SMCO4: variants seen among roughly 807,000 people sequenced by gnomAD.
SMCO4 encodes single-pass membrane and coiled-coil domain-containing protein 4.
SMCO4 carries 4 observed loss-of-function variants against 3.6 expected under a neutral mutation model. That is an observed-to-expected ratio of 1.11 (90% CI 0.54 to 2.53). SMCO4 has a LOEUF of 2.53. Ranked by LOEUF, SMCO4 falls within the 30% of genes most tolerant of loss-of-function variation. The pLI is 0.02. For missense variants in SMCO4, 70 were observed against 80.8 expected (o/e 0.87, Z 0.51); for synonymous variants, 36 against 35.3 (o/e 1.02, Z -0.07).
rs370262033 is a variant in SMCO4 at position 93,478,586 on chromosome 11, G to A, written c.*424C>T. 6.2e-5 allele frequency: 10 copies of A among 160,804 alleles called. No individual in the cohort carries two copies. In the East Asian group the frequency reaches 1.1e-3, roughly 17 times the overall value. The allele number at this position is 160,804 out of a possible 1,614,324, so 10.0% of individuals were successfully genotyped here. On this transcript the variant is annotated 3_prime_UTR_variant, in exon 3 of 3. Transcript: ENST00000298966. The stretch of plus-strand genomic sequence containing the variant: ...CAGTCCCTTTGGAGATTGTGAACAC[G>A]TGTTGGAAAGAAGCATGATCCAAAC...
intron 2 of SMCO4, among the ~76,000 whole-genome samples, chr11:93,488,526 A>G (rs1948676562): frequency 6.6e-6 from 1 of 152,170 alleles, no homozygotes. Context: ...GAGGCATACA[A>G]TTTACCGAGA....
chr11:93,497,971 A>C (rs10466331), intron 2 of SMCO4, among the ~76,000 whole-genome samples: 32,541 of 152,090 alleles, frequency 0.21, 3,717 homozygotes, highest in East Asian at 0.4. Context: ...TTTTGTATAA[A>C]AGTTACATTG....
intron 1 of SMCO4, among the ~76,000 whole-genome samples, chr11:93,514,629 A>C (rs967281506): frequency 1.3e-5 from 2 of 152,064 alleles, no homozygotes; most frequent in African/African-American, 4.8e-5. Context: ...ATGGTGTTAC[A>C]TAACTTCTTA....
At chr11:93,549,863 G>A in the SMCO4 span, among the ~76,000 whole-genome samples, 89 of 152,258 alleles carry the variant, frequency 5.8e-4, no homozygotes, top group African/African-American at 2.1e-3. Flanking sequence ...TAAGTATCAA[G>A]TGTTATAATA....
At position 93,543,344 on chromosome 11, in the gene SMCO4, T is replaced by C. The variant is rs1949289774; in HGVS notation, c.-222A>G. ...ATACGTGGCAGTGGCCGCCGCCGCTTGCGCTCCCCGCCTCGCCTCTCCTCT... is the reference window on the plus strand; with the variant it reads ...ATACGTGGCAGTGGCCGCCGCCGCTCGCGCTCCCCGCCTCGCCTCTCCTCT... On this transcript the variant is annotated 5_prime_UTR_variant, in exon 1 of 3. Transcript: ENST00000298966. The C allele has an allele frequency of 6.6e-6, 1 of 150,918 alleles. No homozygotes were observed. Among genetic ancestry groups the C allele is most frequent in the South Asian group, 1.8e-4 (1 of 5,634 alleles). The allele number at this position is 150,918 out of a possible 1,614,324, so 9.3% of individuals were successfully genotyped here.
At chr11:93,497,324 G>T (rs902241899) in intron 2 of SMCO4, among the ~76,000 whole-genome samples, 1 of 152,220 alleles carries the variant, frequency 6.6e-6, no homozygotes, top group African/African-American at 2.4e-5. Flanking sequence ...AACATCATCA[G>T]ATACAGCTGA....
intron 1 of SMCO4, among the ~76,000 whole-genome samples, chr11:93,541,953 G>C (rs1024334569): frequency 2.0e-5 from 3 of 152,110 alleles, no homozygotes; most frequent in Non-Finnish European, 4.4e-5. Context: ...GAAAACAGAA[G>C]TCCAGAGAGA....
intron 1 of SMCO4, among the ~76,000 whole-genome samples, chr11:93,534,828 G>A (rs762988631): frequency 5.9e-5 from 9 of 152,122 alleles, no homozygotes; most frequent in Non-Finnish European, 1.2e-4. Flanking sequence ...GCCACCAGAC[G>A]CCTTCTCTGC....
At chr11:93,481,711 C>A (rs571160783) in intron 2 of SMCO4, among the ~76,000 whole-genome samples, 1 of 152,342 alleles carries the variant, frequency 6.6e-6, no homozygotes, top group South Asian at 2.1e-4. Context: ...CAAATGGCAG[C>A]CTATTCTCTC....
At chr11:93,492,181 T>C (rs1948725228) in intron 2 of SMCO4, among the ~76,000 whole-genome samples, 1 of 152,188 alleles carries the variant, frequency 6.6e-6, no homozygotes, top group Admixed American at 6.5e-5. Flanking sequence ...CGTTCATTTA[T>C]CCAGCTAACA....
At chr11:93,514,681 A>G (rs1291099830) in intron 1 of SMCO4, among the ~76,000 whole-genome samples, 3 of 152,074 alleles carry the variant, frequency 2.0e-5, no homozygotes, top group African/African-American at 4.8e-5. Context: ...GGCACTCAAT[A>G]GTATATTCAA....
In SMCO4 at chr11:93,487,603, G is replaced by A. The variant is rs150515772; in HGVS notation, c.-80-8334C>T. ...CAGAAACACAAAAGAATCTTTGAGT[G>A]GGTTGCCGAATGACAGAGACATGAA... On this transcript the variant is annotated intron_variant, in intron 2 of 2. Coordinates refer to ENST00000298966, the MANE Select transcript of SMCO4 (RefSeq NM_020179.3). 4.8e-3 allele frequency among the ~76,000 whole-genome samples: 734 copies of A among 152,320 alleles called. 4 individuals carry two copies. The highest frequency in any genetic ancestry group is 0.01 in the Middle Eastern group (3 of 294).
At chr11:93,496,315 T>G (rs1948771815) in intron 2 of SMCO4, among the ~76,000 whole-genome samples, 1 of 151,980 alleles carries the variant, frequency 6.6e-6, no homozygotes, top group African/African-American at 2.4e-5. Context: ...TCATTAGGAT[T>G]TGGTGATTTG....
chr11:93,535,800 A>C (rs1298621658), intron 1 of SMCO4: 1 of 1,613,802 alleles, frequency 6.2e-7, no homozygotes, highest in Non-Finnish European at 8.5e-7. Context: ...CAGCAGCAGC[A>C]GCAGCAACAG....
Position 93,479,066 on chromosome 11 carries a change from C to A in SMCO4, c.124G>T (p.Val42Leu). 7 of 1,613,808 alleles carry A rather than the reference C, an allele frequency of 4.3e-6. No homozygotes were observed. Among genetic ancestry groups the A allele is most frequent in the African/African-American group, 1.3e-5 (1 of 75,056 alleles). Residue 42 changes from valine (V) to leucine (L), a missense_variant, in exon 3 of 3, where the codon GTG becomes TTG. Coordinates refer to ENST00000298966, the MANE Select transcript of SMCO4 (RefSeq NM_020179.3). ...TVVLPTLAVV[V>L]LLIVVFVYVA... ...TACACAAACACCACGATCAAGAGCA[C>A]GACCACGGCCAGCGTGGGCAGCACC...
At chr11:93,500,738 G>A (rs1948828190) in intron 1 of SMCO4, among the ~76,000 whole-genome samples, 1 of 152,178 alleles carries the variant, frequency 6.6e-6, no homozygotes, top group Non-Finnish European at 1.5e-5. Flanking sequence ...GGCTCCAGAG[G>A]AAAAATATGA....
chr11:93,533,777 T>C (rs1435864489), intron 1 of SMCO4, among the ~76,000 whole-genome samples: 1 of 152,136 alleles, frequency 6.6e-6, no homozygotes, highest in African/African-American at 2.4e-5. Flanking sequence ...TTAATTCCCA[T>C]AGCCCCCACC....
chr11:93,531,558 A>G (rs1434781596), intron 1 of SMCO4, among the ~76,000 whole-genome samples: 1 of 152,188 alleles, frequency 6.6e-6, no homozygotes, highest in African/African-American at 2.4e-5. Context: ...ATATACATAC[A>G]CATAACCCTA....
intron 1 of SMCO4, among the ~76,000 whole-genome samples, chr11:93,529,018 G>A (rs901471659): frequency 2.0e-5 from 3 of 152,124 alleles, no homozygotes; most frequent in South Asian, 2.1e-4. Context: ...AGGGGAACAC[G>A]TGGAGCCCTG....
Sources: allele counts gnomAD v4.1 joint callset (sites outside exome capture counted in the v4.1 genomes callset), GRCh38; gene constraint gnomAD v4.1.1; transcripts MANE v1.5; gene names NCBI Gene and HGNC (gene_info 2026-07-23, HGNC 2026-07-21).